The following MARCHF1 variants were observed in gnomAD, a reference collection of about 807,000 sequenced individuals.
MARCHF1 encodes the protein membrane associated ring-CH-type finger 1.
MARCHF1 carries 40 observed loss-of-function variants against 54.2 expected under a neutral mutation model. The ratio of observed to expected loss-of-function variants is 0.74; its 90% confidence interval spans 0.57 to 0.96. The LOEUF is 0.96. MARCHF1 is among the 40% of genes least tolerant of loss of function. The pLI is 0.00. For missense variants in MARCHF1, 586 were observed against 656.5 expected, an observed-to-expected ratio of 0.89 and a Z score of 1.17; for synonymous variants, 236 against 236.3, an observed-to-expected ratio of 1.00 and a Z score of 0.01.
chr4:163,797,889 C>G (rs1747964195), intron 4 of MARCHF1, among the ~76,000 whole-genome samples: 2 of 152,076 alleles, frequency 1.3e-5, no homozygotes, highest in African/African-American at 4.8e-5. Flanking sequence ...TCTGCTCACA[C>G]TCATGTTAGA....
At chr4:163,732,028 T>C (rs1745854872) in intron 4 of MARCHF1, among the ~76,000 whole-genome samples, 1 of 152,124 alleles carries the variant, frequency 6.6e-6, no homozygotes, top group African/African-American at 2.4e-5. Flanking sequence ...TTGTTTGGTG[T>C]CAAATAAATA....
intron 2 of MARCHF1, among the ~76,000 whole-genome samples, chr4:164,066,913 A>C (rs1465927082): frequency 6.6e-6 from 1 of 152,090 alleles, no homozygotes; most frequent in East Asian, 1.9e-4. Context: ...AAAACAACTA[A>C]TGGGTACTAA....
At chr4:163,650,644 T>C (rs1220101242) in intron 5 of MARCHF1, among the ~76,000 whole-genome samples, 1 of 151,972 alleles carries the variant, frequency 6.6e-6, no homozygotes, top group East Asian at 1.9e-4. Flanking sequence ...ACAATGCCAA[T>C]TAAAACCTTT....
At chr4:163,794,726 ATATAAT>A (rs1747863848) in intron 4 of MARCHF1, among the ~76,000 whole-genome samples, 2 of 152,030 alleles carry the variant, frequency 1.3e-5, no homozygotes, top group Admixed American at 1.3e-4. Context: ...AATTCTATAC[ATATAAT>A]TATAAAACAT....
At chr4:163,815,652 A>G (rs991676026) in intron 4 of MARCHF1, among the ~76,000 whole-genome samples, 1 of 152,128 alleles carries the variant, frequency 6.6e-6, no homozygotes, top group African/African-American at 2.4e-5. Context: ...TTACTGTTCC[A>G]TACAGTAAGA....
intron 1 of MARCHF1, among the ~76,000 whole-genome samples, chr4:164,170,922 T>C (rs1444652613): frequency 6.6e-6 from 1 of 152,110 alleles, no homozygotes; most frequent in East Asian, 1.9e-4. Flanking sequence ...TCATGAGTAA[T>C]TATGACGGCT....
At chr4:164,104,436 C>A (rs1461736904) in intron 2 of MARCHF1, among the ~76,000 whole-genome samples, 1 of 53,850 alleles carries the variant, frequency 1.9e-5, no homozygotes, top group East Asian at 2.9e-4. Context: ...TGGGCTTCAT[C>A]CCTGGGATGC....
chr4:163,580,171 C>T (rs540933536), intron 8 of MARCHF1, among the ~76,000 whole-genome samples: 1 of 152,100 alleles, frequency 6.6e-6, no homozygotes, highest in African/African-American at 2.4e-5. Context: ...CTCCACCTCC[C>T]AGGTTCAACC....
chr4:163,877,782 C>A (rs1750325504), intron 3 of MARCHF1, among the ~76,000 whole-genome samples: 1 of 152,148 alleles, frequency 6.6e-6, no homozygotes, highest in Non-Finnish European at 1.5e-5. Flanking sequence ...ATACTCTGGT[C>A]CTCATACAGT....
At chr4:163,968,393 A>G (rs1023693254) in intron 3 of MARCHF1, among the ~76,000 whole-genome samples, 13 of 152,134 alleles carry the variant, frequency 8.5e-5, no homozygotes, top group Non-Finnish European at 1.9e-4. Context: ...TACGTGGCCA[A>G]TTTCTAAAAT....
At chr4:164,058,481 G>A (rs1754543351) in intron 2 of MARCHF1, among the ~76,000 whole-genome samples, 1 of 152,192 alleles carries the variant, frequency 6.6e-6, no homozygotes, top group South Asian at 2.1e-4. Context: ...TGCTCAGAAG[G>A]CGACCTCAGT....
At chr4:163,960,034 G>A (rs1428671467) in intron 3 of MARCHF1, among the ~76,000 whole-genome samples, 5 of 151,828 alleles carry the variant, frequency 3.3e-5, no homozygotes, top group South Asian at 2.1e-4. Flanking sequence ...ATATACATGC[G>A]GCCAACAAGC....
intron 3 of MARCHF1, among the ~76,000 whole-genome samples, chr4:163,877,697 C>G (rs1010636520): frequency 1.3e-5 from 2 of 152,176 alleles, no homozygotes; most frequent in Non-Finnish European, 1.5e-5. Context: ...TTACTACTCT[C>G]CTGCTTACAT....
chr4:164,103,831 G>C (rs1482389567), intron 2 of MARCHF1, among the ~76,000 whole-genome samples: 1 of 129,494 alleles, frequency 7.7e-6, no homozygotes, highest in African/African-American at 3.4e-5. Context: ...CCAGGAGCTG[G>C]TTTTTTGAAA....
rs923821879 is a variant in MARCHF1, at chr4:164,011,385, T to C, written c.-247-22676A>G. ...AACTGTATACCTGACAAGTTGTTAA[T>C]AACCATAATATAATGAAAAGCTCAG... On this transcript the variant is annotated intron_variant, in intron 2 of 9. Coordinates refer to ENST00000514618, the MANE Select transcript of MARCHF1 (RefSeq NM_001394959.1). 8.0e-4 allele frequency among the ~76,000 whole-genome samples: 10 copies of C among 12,460 alleles called. No homozygotes were observed. The Admixed American group carries it at 0.013, about 17-fold the overall frequency. The allele number at this position is 12,460 out of a possible 152,430, so 8.2% of individuals were successfully genotyped here.
At chr4:164,317,077 T>G (rs1735020123) in intron 1 of MARCHF1, among the ~76,000 whole-genome samples, 1 of 152,194 alleles carries the variant, frequency 6.6e-6, no homozygotes, top group African/African-American at 2.4e-5. Flanking sequence ...ATTATTGCCT[T>G]GATCATTATA....
At chr4:163,661,724 G>A (rs561833860) in intron 5 of MARCHF1, among the ~76,000 whole-genome samples, 5 of 152,090 alleles carry the variant, frequency 3.3e-5, no homozygotes, top group Middle Eastern at 6.8e-3. Context: ...GTGAGTGAGC[G>A]TGTCAATCAC....
At position 163,528,599 on chromosome 4, in the gene MARCHF1, CTTTCCTCTTT is replaced by C; in HGVS notation, c.*139_*148del. On this transcript the variant is annotated 3_prime_UTR_variant, in exon 10 of 10. Coordinates refer to ENST00000514618, the MANE Select transcript of MARCHF1 (RefSeq NM_001394959.1). ...GGCATTTGGTCTGTTTGTTTTTCTC[CTTTCCTCTTT>C]GAACAAAGTCAGGAAAAATGTGTCA... The C allele has an allele frequency of 1.3e-6, 1 of 772,650 alleles. No individual in the cohort carries two copies. The highest frequency in any genetic ancestry group is 2.0e-6 in the Non-Finnish European group (1 of 495,778). The allele number at this position is 772,650 out of a possible 1,614,324, so 47.9% of individuals were successfully genotyped here.
At chr4:164,160,859 C>A (rs28665654) in intron 1 of MARCHF1, among the ~76,000 whole-genome samples, 1,972 of 152,090 alleles carry the variant, frequency 0.013, 39 homozygotes, top group African/African-American at 0.042. Flanking sequence ...AGAAGACAGA[C>A]CACACAATTA....
Sources: allele counts gnomAD v4.1 joint callset (sites outside exome capture counted in the v4.1 genomes callset), GRCh38; gene constraint gnomAD v4.1.1; transcripts MANE v1.5; gene names NCBI Gene and HGNC (gene_info 2026-07-23, HGNC 2026-07-21).